ATP9B: variants seen among roughly 807,000 people sequenced by gnomAD.
ATP9B encodes the protein probable phospholipid-transporting ATPase IIB.
Under a neutral mutation model 146.1 loss-of-function variants are expected in ATP9B, and 110 were observed. The ratio of observed to expected loss-of-function variants is 0.75; its 90% confidence interval spans 0.65 to 0.88. ATP9B has a LOEUF of 0.88. Ranked by LOEUF, ATP9B falls within the 40% of genes least tolerant of loss-of-function variation. ATP9B has a pLI of 0.00. For synonymous variants in ATP9B, 604 were observed against 569.7 expected (o/e 1.06, Z -0.86); for missense variants, 1,499 against 1,496.4 (o/e 1.00, Z -0.03).
chr18:79,308,704 C>A, intron 15 of ATP9B, among the ~76,000 whole-genome samples: 1 of 138,574 alleles, frequency 7.2e-6, no homozygotes, highest in Admixed American at 7.1e-5. Flanking sequence ...GGTAGAAGGT[C>A]AGGGGTGGTG....
At chr18:79,165,050 C>T (rs1475528085) in intron 7 of ATP9B, among the ~76,000 whole-genome samples, 2 of 152,188 alleles carry the variant, frequency 1.3e-5, no homozygotes, top group East Asian at 3.9e-4. Context: ...ATTTGAGAAA[C>T]AACTAGCTAC....
rs778374001 is a variant in ATP9B, at chr18:79,069,426, C to T, written c.16C>T (p.Pro6Ser). 19 of 1,516,940 alleles carry T rather than the reference C, an allele frequency of 1.3e-5. No homozygotes were observed. Among genetic ancestry groups the T allele is most frequent in the South Asian group, 3.7e-5 (3 of 80,144 alleles). 94.0% of individuals were successfully genotyped at this position (1,516,940 alleles called of 1,614,324 possible). A position where few individuals can be genotyped will look rare whatever the true frequency, so the allele number is the denominator to read the frequency against. The change falls in exon 1 of 30, where the codon CCG becomes TCG. Residue 6 changes from proline to serine, a missense_variant. Coordinates refer to ENST00000426216, the MANE Select transcript of ATP9B (RefSeq NM_198531.5). MADQI[P>S]LYPVRSAAAA... ...CGGTCGGAACATGGCGGACCAGATCCCGCTTTACCCGGTGCGTAGCGCAGC... is the reference window on the plus strand; with the variant it reads ...CGGTCGGAACATGGCGGACCAGATCTCGCTTTACCCGGTGCGTAGCGCAGC...
chr18:79,244,271 A>G (rs749746750), intron 11 of ATP9B, among the ~76,000 whole-genome samples: 1 of 151,860 alleles, frequency 6.6e-6, no homozygotes, highest in Non-Finnish European at 1.5e-5. Context: ...GTGCACCTAC[A>G]TTTGCAAGGA....
chr18:79,082,644 C>T (rs9964671), intron 1 of ATP9B, among the ~76,000 whole-genome samples: 38,000 of 152,090 alleles, frequency 0.25, 5,080 homozygotes, highest in East Asian at 0.5. Flanking sequence ...GTTAGTTTTA[C>T]TTCTAACAGT....
At chr18:79,112,739 C>T (rs989339113) in intron 3 of ATP9B, among the ~76,000 whole-genome samples, 2 of 150,520 alleles carry the variant, frequency 1.3e-5, no homozygotes, top group African/African-American at 2.4e-5. Flanking sequence ...CCTGGATGTC[C>T]GTGTTAAAAA....
chr18:79,352,953 C>G (rs1568796790), intron 25 of ATP9B: 1 of 152,272 alleles, frequency 6.6e-6, no homozygotes, highest in East Asian at 1.9e-4. Flanking sequence ...ACAGACAACT[C>G]AGTTTTGTTT....
chr18:79,215,158 A>AAG (rs1192681978), intron 11 of ATP9B, among the ~76,000 whole-genome samples: 1 of 151,876 alleles, frequency 6.6e-6, no homozygotes, highest in African/African-American at 2.4e-5. Context: ...AAAAAAAAAA[A>AAG]AAAAAAAGAT....
At chr18:79,197,390 TA>T (rs1568380880) in intron 9 of ATP9B, among the ~76,000 whole-genome samples, 2 of 151,826 alleles carry the variant, frequency 1.3e-5, no homozygotes, top group African/African-American at 4.8e-5. Flanking sequence ...ATTAATGAAT[TA>T]AATAAGTATA....
chr18:79,274,661 T>C (rs1055511556), intron 12 of ATP9B, among the ~76,000 whole-genome samples: 2 of 152,192 alleles, frequency 1.3e-5, no homozygotes, highest in African/African-American at 4.8e-5. Flanking sequence ...ATTGTCTTAA[T>C]TGAAGTCAGG....
chr18:79,237,033 C>T (rs1410492496), intron 11 of ATP9B, among the ~76,000 whole-genome samples: 1 of 41,722 alleles, frequency 2.4e-5, no homozygotes, highest in Non-Finnish European at 4.6e-5. Flanking sequence ...GTGCACGAGT[C>T]AGTGTCCACA....
chr18:79,206,858 T>G, intron 9 of ATP9B, 79 bp from the exon 10 acceptor site: 2 of 1,357,602 alleles, frequency 1.5e-6, no homozygotes, highest in Non-Finnish European at 2.1e-6. Flanking sequence ...TGGACCTGTT[T>G]CTAATACTGA....
intron 11 of ATP9B, among the ~76,000 whole-genome samples, chr18:79,217,426 C>T (rs939273744): frequency 1.3e-5 from 2 of 152,186 alleles, no homozygotes; most frequent in African/African-American, 2.4e-5. Flanking sequence ...CCTCGTGATC[C>T]GCCCGCCTCT....
At chr18:79,105,876 A>G (rs1457505003) in intron 2 of ATP9B, among the ~76,000 whole-genome samples, 1 of 152,156 alleles carries the variant, frequency 6.6e-6, no homozygotes, top group East Asian at 1.9e-4. Flanking sequence ...AGACATCAGC[A>G]TTGTGTTGCT....
intron 5 of ATP9B, among the ~76,000 whole-genome samples, chr18:79,126,654 G>A (rs2094292175): frequency 6.6e-6 from 1 of 152,128 alleles, no homozygotes; most frequent in Non-Finnish European, 1.5e-5. Flanking sequence ...ATCATGTAAT[G>A]TGTTCTATTG....
intron 5 of ATP9B, among the ~76,000 whole-genome samples, chr18:79,134,110 G>C (rs926651883): frequency 6.6e-6 from 1 of 152,212 alleles, no homozygotes; most frequent in Non-Finnish European, 1.5e-5. Context: ...ACCTGCTCCA[G>C]CTCCTTCTGT....
chr18:79,175,221 A>G lies in ATP9B; in HGVS notation c.779-1592A>G, dbSNP rs916685293. Among the ~76,000 whole-genome samples, 3 of 151,864 alleles carry G rather than the reference A, an allele frequency of 2.0e-5. No homozygotes were observed. In the East Asian group the frequency reaches 5.8e-4, roughly 29 times the overall value. ...TCAAAAAAAAAAAAAAAAGAAAAAA[A>G]AAAACATCAAAACTTTTGAAACCTC... On this transcript the variant is annotated intron_variant, in intron 7 of 29. Transcript: ENST00000426216.
At chr18:79,198,538 A>G (rs1206440673) in intron 9 of ATP9B, among the ~76,000 whole-genome samples, 5 of 152,190 alleles carry the variant, frequency 3.3e-5, no homozygotes, top group Admixed American at 3.3e-4. Flanking sequence ...TTGTGCAAAC[A>G]TGATGGAGTG....
intron 13 of ATP9B, among the ~76,000 whole-genome samples, chr18:79,289,622 A>G (rs2096481550): frequency 6.6e-6 from 1 of 152,186 alleles, no homozygotes; most frequent in Non-Finnish European, 1.5e-5. Context: ...CGTCAAAGTC[A>G]TTCTCCGTCC....
intron 15 of ATP9B, among the ~76,000 whole-genome samples, chr18:79,311,307 G>A (rs944188416): frequency 1.1e-4 from 17 of 152,122 alleles, no homozygotes; most frequent in African/African-American, 3.9e-4. Context: ...TTTGATAAAC[G>A]GGTGAATGTG....
Sources: gnomAD v4.1 joint callset for allele counts (sites outside exome capture counted in the v4.1 genomes callset) on GRCh38, gnomAD v4.1.1 for gene constraint, MANE v1.5 for transcripts, NCBI Gene and HGNC (gene_info 2026-07-23, HGNC 2026-07-21) for gene names.